PAQR5: variants seen among roughly 807,000 people sequenced by gnomAD.
The protein encoded by PAQR5 is progestin and adipoQ receptor family member 5.
In PAQR5, 20 loss-of-function variants were observed where a neutral mutation model predicts 34.5. That is an observed-to-expected ratio of 0.58 (90% CI 0.41 to 0.84). The LOEUF (loss-of-function observed/expected upper bound fraction) is 0.84. PAQR5 is among the 40% of genes least tolerant of loss of function. PAQR5 has a pLI of 0.00. For synonymous variants in PAQR5, 131 were observed against 155.6 expected, an observed-to-expected ratio of 0.84 and a Z score of 1.18; for missense variants, 378 against 412.7, an observed-to-expected ratio of 0.92 and a Z score of 0.73.
At chr15:69,362,663 G>A (rs974786448) in intron 3 of PAQR5, among the ~76,000 whole-genome samples, 12 of 152,136 alleles carry the variant, frequency 7.9e-5, no homozygotes, top group Admixed American at 3.3e-4. Flanking sequence ...GGGGTTGTGA[G>A]AATTAAATGA....
chr15:69,339,165 G>A (rs1374803668), intron 2 of PAQR5, among the ~76,000 whole-genome samples: 1 of 41,382 alleles, frequency 2.4e-5, no homozygotes, highest in Non-Finnish European at 2.0e-4. Context: ...TGGCCCACTG[G>A]CTACACCCCC....
chr15:69,356,898 T>G (rs1309852977), intron 2 of PAQR5, among the ~76,000 whole-genome samples: 2 of 152,328 alleles, frequency 1.3e-5, no homozygotes, highest in African/African-American at 4.8e-5. Context: ...CCTGCGCAAG[T>G]CTCATGTTGA....
In PAQR5 at chr15:69,319,755, C is replaced by T. The variant is rs544570901; in HGVS notation, c.-276-17586C>T. Among the ~76,000 whole-genome samples the T allele has an allele frequency of 3.9e-5, 6 of 152,258 alleles. No homozygotes were observed. In the South Asian group the frequency reaches 1.0e-3, roughly 26 times the overall value. ...AGCTCAGTGCCCATGGAGCAGCATG[C>T]GGGTGCTTGCCTCTGTGGGTTGAGC... On this transcript the variant is annotated intron_variant, in intron 1 of 8. Transcript: ENST00000395407.
intron 1 of PAQR5, among the ~76,000 whole-genome samples, chr15:69,335,427 T>C (rs2054490540): frequency 6.6e-6 from 1 of 151,190 alleles, no homozygotes; most frequent in African/African-American, 2.4e-5. Context: ...TTATTTGTAG[T>C]AGAGAAGGGG....
At position 69,369,550 on chromosome 15, in the gene PAQR5, A is replaced by G. The variant is rs568309751; in HGVS notation, c.51+9419A>G. 4.8e-4 allele frequency among the ~76,000 whole-genome samples: 73 copies of G among 151,252 alleles called. 1 individual carries two copies. Among genetic ancestry groups the G allele is most frequent in the Non-Finnish European group, 2.9e-5 (2 of 67,974 alleles). On this transcript the variant is annotated intron_variant, in intron 3 of 8. Transcript: ENST00000395407. ...GATCCTGCCTCAAGTTAAAAAAAAA[A>G]AAAAGTAGAAATCCTTCAGAGAGGA...
At chr15:69,359,616 G>A (rs558097654) in intron 2 of PAQR5, among the ~76,000 whole-genome samples, 5 of 152,242 alleles carry the variant, frequency 3.3e-5, no homozygotes, top group African/African-American at 1.2e-4. Flanking sequence ...TAACATAACT[G>A]ATTAGATCAG....
chr15:69,309,674 G>T (rs1277722990), intron 1 of PAQR5, among the ~76,000 whole-genome samples: 1 of 152,112 alleles, frequency 6.6e-6, no homozygotes, highest in East Asian at 1.9e-4. Flanking sequence ...CCGGATGGTG[G>T]CACATGCATG....
rs2054135649 is a variant in PAQR5, at chr15:69,322,742, A to AGACGAG, written c.-276-14597_-276-14596insCGAGGA. ...AAGAAGAAGAAGAAGAAGAAGAAGA[A>AGACGAG]GAAGAAGAAGAAGAAGAAGAAGAAG... On this transcript the variant is annotated intron_variant, in intron 1 of 8. Transcript: ENST00000395407. Among the ~76,000 whole-genome samples, 4 of 35,444 alleles carry AGACGAG rather than the reference A, an allele frequency of 1.1e-4. 1 individual carries two copies. Among genetic ancestry groups the AGACGAG allele is most frequent in the South Asian group, 2.7e-3 (2 of 746 alleles). 23.3% of individuals were successfully genotyped at this position (35,444 alleles called of 152,430 possible). A position where few individuals can be genotyped will look rare whatever the true frequency, so the allele number is the denominator to read the frequency against.
Position 69,385,018 on chromosome 15 carries a change from G to T in PAQR5, c.385+136G>T. The T allele has an allele frequency of 3.1e-6, 2 of 645,130 alleles. No individual in the cohort carries two copies. Among genetic ancestry groups the T allele is most frequent in the South Asian group, 3.8e-5 (2 of 52,028 alleles). 40.0% of individuals were successfully genotyped at this position (645,130 alleles called of 1,614,324 possible). On this transcript the variant is annotated intron_variant, in intron 5 of 8. Coordinates refer to ENST00000395407, the MANE Select transcript of PAQR5 (RefSeq NM_017705.4). The surrounding 1 kb of genome is among the most constrained non-coding windows in gnomAD (Gnocchi z 4.7). ...GGATTATGCCAGTGCCCCTGTCCAG[G>T]TTCCCAATGGGTGTTTTATAAGAAA...
chr15:69,389,540 G>A lies in PAQR5; in HGVS notation c.386-114G>A, dbSNP rs1595930600. The A allele has an allele frequency of 3.6e-6, 5 of 1,390,836 alleles. No homozygotes were observed. The East Asian group carries it at 1.2e-4, about 32-fold the overall frequency. The allele number at this position is 1,390,836 out of a possible 1,614,324, so 86.2% of individuals were successfully genotyped here. On this transcript the variant is annotated intron_variant, in intron 5 of 8. Coordinates refer to ENST00000395407, the MANE Select transcript of PAQR5 (RefSeq NM_017705.4). ...GGAATGGCACCAGCGAGGGCGCAGA[G>A]CCAGGACTGTGGGAATGATAAGGGC...
intron 1 of PAQR5, among the ~76,000 whole-genome samples, chr15:69,328,095 A>G (rs563621276): frequency 1.3e-5 from 2 of 152,290 alleles, no homozygotes; most frequent in Admixed American, 6.5e-5. Context: ...CTCTTCTTCT[A>G]TAATGAAAAT....
chr15:69,317,482 C>T (rs1419853495), intron 1 of PAQR5, among the ~76,000 whole-genome samples: 2 of 152,202 alleles, frequency 1.3e-5, no homozygotes, highest in Non-Finnish European at 2.9e-5. Context: ...ATGCAGCCTT[C>T]TTCCCTCTGC....
At chr15:69,343,650 T>A (rs921214299) in intron 2 of PAQR5, among the ~76,000 whole-genome samples, 5 of 152,204 alleles carry the variant, frequency 3.3e-5, no homozygotes, top group African/African-American at 1.2e-4. Context: ...TTTTGTGACA[T>A]TTTAACAGCT....
At chr15:69,309,516 G>T (rs1177127167) in intron 1 of PAQR5, among the ~76,000 whole-genome samples, 3 of 152,178 alleles carry the variant, frequency 2.0e-5, no homozygotes, top group Non-Finnish European at 2.9e-5. Context: ...AGAGAGTGAA[G>T]AAGCCAGAAA....
intron 1 of PAQR5, among the ~76,000 whole-genome samples, chr15:69,324,898 C>CTTT (rs11355683): frequency 1.5e-5 from 2 of 136,754 alleles, no homozygotes; most frequent in African/African-American, 2.7e-5. Flanking sequence ...AGTTTCATTT[C>CTTT]TTTTTTTTTT....
chr15:69,335,099 C>A (rs2054480843), intron 1 of PAQR5, among the ~76,000 whole-genome samples: 1 of 151,726 alleles, frequency 6.6e-6, no homozygotes, highest in African/African-American at 2.4e-5. Flanking sequence ...TGGCAGGTGC[C>A]TGTAATCCCA....
chr15:69,392,498 A>G (rs2056301591), intron 6 of PAQR5, among the ~76,000 whole-genome samples: 1 of 152,046 alleles, frequency 6.6e-6, no homozygotes, highest in South Asian at 2.1e-4. Context: ...CTATCCACCC[A>G]TCTACACACC....
chr15:69,390,109 G>A (rs972545267), intron 6 of PAQR5, among the ~76,000 whole-genome samples: 2 of 152,144 alleles, frequency 1.3e-5, no homozygotes, highest in Non-Finnish European at 2.9e-5. Flanking sequence ...TCCGCCTCCT[G>A]AGTTCAAGCG....
At chr15:69,334,324 G>A (rs2054463010) in intron 1 of PAQR5, among the ~76,000 whole-genome samples, 1 of 152,166 alleles carries the variant, frequency 6.6e-6, no homozygotes, top group Admixed American at 6.5e-5. Flanking sequence ...CACTGCACCC[G>A]ACCTGGGAAA....
Sources: gnomAD v4.1 joint callset for allele counts (sites outside exome capture counted in the v4.1 genomes callset) on GRCh38, gnomAD v4.1.1 for gene constraint, Gnocchi (gnomAD v3.1) non-coding constraint, MANE v1.5 for transcripts, NCBI Gene and HGNC (gene_info 2026-07-23, HGNC 2026-07-21) for gene names.